The following UIMC1 variants were observed in gnomAD, a reference collection of about 807,000 sequenced individuals.
UIMC1 encodes the protein BRCA1-A complex subunit RAP80.
In UIMC1, 42 loss-of-function variants were observed where a neutral mutation model predicts 84.9. The observed-to-expected ratio is 0.49, with a 90% CI of 0.39 to 0.64. UIMC1 has a LOEUF of 0.64. Ranked by LOEUF, UIMC1 falls within the 30% of genes least tolerant of loss-of-function variation. The probability of loss-of-function intolerance (pLI) is 0.00; values close to 1 mark genes in which losing one functional copy is unlikely to be tolerated. For missense variants in UIMC1, 825 were observed against 847.6 expected, an observed-to-expected ratio of 0.97 and a Z score of 0.33; for synonymous variants, 281 against 293.0, an observed-to-expected ratio of 0.96 and a Z score of 0.42.
chr5:176,958,353 A>T (rs1259754940), intron 6 of UIMC1, among the ~76,000 whole-genome samples, 199 bp from the exon 7 acceptor site: 1 of 152,244 alleles, frequency 6.6e-6, no homozygotes, highest in Non-Finnish European at 1.5e-5. Context: ...ATCAGAACTA[A>T]ATCACTTACT....
At chr5:176,918,310 T>C (rs1761273357) in intron 10 of UIMC1, among the ~76,000 whole-genome samples, 1 of 152,224 alleles carries the variant, frequency 6.6e-6, no homozygotes, top group Non-Finnish European at 1.5e-5. Flanking sequence ...ATATGATCCA[T>C]CCAGTACTCC....
rs572443867 is a variant in UIMC1 at position 176,921,229 on chromosome 5, A to T, written c.1598-9840T>A. 2.8e-3 allele frequency among the ~76,000 whole-genome samples: 433 copies of T among 152,266 alleles called. 1 individual carries two copies. The highest frequency in any genetic ancestry group is 0.01 in the African/African-American group (417 of 41,540). On this transcript the variant is annotated intron_variant, in intron 10 of 14. Transcript: ENST00000511320. ...GCCTTCCCTCCTATTGCACAGAATGAATTGCCCACACGGCTATCTAAGGCT... is the reference window on the plus strand; with the variant it reads ...GCCTTCCCTCCTATTGCACAGAATGTATTGCCCACACGGCTATCTAAGGCT...
chr5:176,994,023 A>G (rs1773246701), intron 1 of UIMC1, among the ~76,000 whole-genome samples: 1 of 151,742 alleles, frequency 6.6e-6, no homozygotes, highest in Admixed American at 6.6e-5. Flanking sequence ...AAAAAAAAAA[A>G]GAAGAAAGTA....
chr5:176,943,060 A>AAAAC (rs141378184), intron 10 of UIMC1, among the ~76,000 whole-genome samples: 11,843 of 151,620 alleles, frequency 0.078, 1,011 homozygotes, highest in African/African-American at 0.22. Context: ...TCTGGCTCAA[A>AAAAC]AAACAAACAG....
intron 8 of UIMC1, among the ~76,000 whole-genome samples, chr5:176,955,058 G>T (rs968502555): frequency 4.6e-5 from 7 of 152,130 alleles, no homozygotes; most frequent in African/African-American, 1.7e-4. Flanking sequence ...TGAGGCTAAT[G>T]ATCTTTTCAG....
At chr5:177,019,402 G>A (rs571209525) in intron 1 of UIMC1, among the ~76,000 whole-genome samples, 2 of 152,232 alleles carry the variant, frequency 1.3e-5, no homozygotes, top group African/African-American at 4.8e-5. Flanking sequence ...TTGGGAGGCT[G>A]AGGCAGGAGG....
At chr5:177,016,093 G>A (rs1011803768) in intron 1 of UIMC1, among the ~76,000 whole-genome samples, 1 of 151,800 alleles carries the variant, frequency 6.6e-6, no homozygotes, top group South Asian at 2.1e-4. Flanking sequence ...GGCAGGACGC[G>A]GTGGCTCATG....
chr5:176,942,206 G>A (rs968977105), intron 10 of UIMC1, among the ~76,000 whole-genome samples: 1 of 152,036 alleles, frequency 6.6e-6, no homozygotes. Context: ...TGATATGTAG[G>A]ACATGAATGT....
At position 176,958,702 on chromosome 5, in the gene UIMC1, C is replaced by A. The variant is rs988363857; in HGVS notation, c.1201-548G>T. ...GGGAAGGTTACAAAGATTCTTTTTGCTACAAATCTGCCACTATGGTTTTTA... is the reference window on the plus strand; with the variant it reads ...GGGAAGGTTACAAAGATTCTTTTTGATACAAATCTGCCACTATGGTTTTTA... On this transcript the variant is annotated intron_variant, in intron 6 of 14. Coordinates refer to ENST00000511320, the MANE Select transcript of UIMC1 (RefSeq NM_001199298.2). 3.3e-5 allele frequency among the ~76,000 whole-genome samples: 5 copies of A among 152,192 alleles called. No homozygotes were observed. In the East Asian group the frequency reaches 9.6e-4, roughly 29 times the overall value.
At chr5:176,989,169 T>C (rs779309373) in intron 1 of UIMC1, among the ~76,000 whole-genome samples, 2 of 152,060 alleles carry the variant, frequency 1.3e-5, no homozygotes, top group African/African-American at 4.8e-5. Flanking sequence ...AAGTAGTCTG[T>C]ACAATACTAG....
intron 1 of UIMC1, among the ~76,000 whole-genome samples, chr5:177,015,930 C>A (rs928773332): frequency 1.3e-5 from 2 of 151,970 alleles, no homozygotes; most frequent in Non-Finnish European, 2.9e-5. Flanking sequence ...ATTAGCCAGA[C>A]GTGGTGGCGC....
chr5:176,912,820 C>T (rs1259670354), intron 10 of UIMC1, among the ~76,000 whole-genome samples: 1 of 152,108 alleles, frequency 6.6e-6, no homozygotes, highest in African/African-American at 2.4e-5. Context: ...GCGCCCGCCA[C>T]GACGCCCAGC....
intron 5 of UIMC1, 48 bp from the exon 6 acceptor site, chr5:176,969,339 A>C (rs1305954291): frequency 1.3e-6 from 2 of 1,546,344 alleles, no homozygotes; most frequent in Non-Finnish European, 1.7e-6. Flanking sequence ...CTTTTTTATT[A>C]AGAGGGCTTG....
At position 176,980,403 on chromosome 5, in the gene UIMC1, T is replaced by C. The variant is rs557513712; in HGVS notation, c.147+2066A>G. The C allele has an allele frequency of 2.6e-5, 4 of 152,290 alleles. No individual in the cohort carries two copies. In the East Asian group the frequency reaches 7.7e-4, roughly 29 times the overall value. 9.4% of individuals were successfully genotyped at this position (152,290 alleles called of 1,614,324 possible). On this transcript the variant is annotated intron_variant, in intron 2 of 14. Transcript: ENST00000511320. ...GTCTCTGGAGGACCTAACACAGACATTAAGTGAAAAAAAGCAAAACAGTTT... is the reference window on the plus strand; with the variant it reads ...GTCTCTGGAGGACCTAACACAGACACTAAGTGAAAAAAAGCAAAACAGTTT...
intron 6 of UIMC1, among the ~76,000 whole-genome samples, chr5:176,968,142 G>C (rs1768594982): frequency 6.6e-6 from 1 of 152,116 alleles, no homozygotes; most frequent in South Asian, 2.1e-4. Flanking sequence ...GGGAGGCCAA[G>C]GCATGCAGAT....
intron 10 of UIMC1, among the ~76,000 whole-genome samples, chr5:176,929,036 G>A (rs1007373076): frequency 2.0e-5 from 3 of 151,890 alleles, no homozygotes. Context: ...GGTAGATTAC[G>A]AGGTCAGGAG....
chr5:176,996,113 C>T (rs549374915), intron 1 of UIMC1, among the ~76,000 whole-genome samples: 8 of 152,154 alleles, frequency 5.3e-5, no homozygotes, highest in Admixed American at 3.3e-4. Context: ...AACAATAAAA[C>T]GGAACAAACT....
At chr5:176,918,685 C>T (rs377408035) in intron 10 of UIMC1, among the ~76,000 whole-genome samples, 1 of 152,192 alleles carries the variant, frequency 6.6e-6, no homozygotes, top group African/African-American at 2.4e-5. Context: ...ACTAGGACAT[C>T]TAATCCTATA....
At position 176,975,302 on chromosome 5, in the gene UIMC1, G is replaced by T; in HGVS notation, c.232+94C>A. ...CACAACTTTTCTTGAATCTATCAGA[G>T]ACCTAAGAATGCAACATAATCAACT... On this transcript the variant is annotated intron_variant, in intron 3 of 14. Coordinates refer to ENST00000511320, the MANE Select transcript of UIMC1 (RefSeq NM_001199298.2). The T allele has an allele frequency of 1.2e-5, 14 of 1,214,422 alleles. 1 individual carries two copies. In the South Asian group the frequency reaches 1.8e-4, roughly 15 times the overall value. The allele number at this position is 1,214,422 out of a possible 1,614,324, so 75.2% of individuals were successfully genotyped here. A position where few individuals can be genotyped will look rare whatever the true frequency, so the allele number is the denominator to read the frequency against.
Sources: gnomAD v4.1 joint callset for allele counts (sites outside exome capture counted in the v4.1 genomes callset) on GRCh38, gnomAD v4.1.1 for gene constraint, MANE v1.5 for transcripts, NCBI Gene and HGNC (gene_info 2026-07-23, HGNC 2026-07-21) for gene names.